The following AGAP1 variants were observed in gnomAD, a reference collection of about 807,000 sequenced individuals.
AGAP1 encodes arf-GAP with GTPase, ANK repeat and PH domain-containing protein 1.
Under a neutral mutation model 105.3 loss-of-function variants are expected in AGAP1, and 29 were observed. The ratio of observed to expected loss-of-function variants is 0.28; its 90% CI spans 0.21 to 0.38. The LOEUF (loss-of-function observed/expected upper bound fraction) is 0.38. Ranked by LOEUF, AGAP1 falls within the 10% of genes least tolerant of loss-of-function variation. The probability of loss-of-function intolerance (pLI) is 1.00; values close to 1 mark genes in which losing one functional copy is unlikely to be tolerated. For missense variants in AGAP1, 998 were observed against 1,165.1 expected, an observed-to-expected ratio of 0.86 and a Z score of 2.09; for synonymous variants, 509 against 485.9, an observed-to-expected ratio of 1.05 and a Z score of -0.63.
chr2:235,890,162 C>CTTTTTT lies in AGAP1; in HGVS notation c.1155+6726_1155+6731dup, dbSNP rs3059035. Among the ~76,000 whole-genome samples, 1,236 of 132,426 alleles carry CTTTTTT rather than the reference C, an allele frequency of 9.3e-3. 24 individuals carry two copies. The highest frequency in any genetic ancestry group is 0.034 in the African/African-American group (1,191 of 35,154). 86.9% of individuals were successfully genotyped at this position (132,426 alleles called of 152,430 possible). ...GGTAGATTTCCACTGTAGTTATTCC[C>CTTTTTT]TTTTTTTTTTTTTTTTTTAAGACAG... On this transcript the variant is annotated intron_variant, in intron 10 of 17. Transcript: ENST00000304032.
At position 236,124,376 on chromosome 2, in the gene AGAP1, C is replaced by T. The variant is rs547336198; in HGVS notation, c.*254C>T. On this transcript the variant is annotated 3_prime_UTR_variant, in exon 18 of 18. Transcript: ENST00000304032. The surrounding 1 kb of genome is among the most constrained non-coding windows in gnomAD (Gnocchi z 5.1). ...CCCCTAAACCACACACAGGAGAGAG[C>T]GACGGGCCTCGGCCCTTTGATGATA... is the stretch of plus-strand genomic sequence containing the variant. 7.2e-5 allele frequency: 39 copies of T among 542,258 alleles called. No homozygotes were observed. Among genetic ancestry groups the T allele is most frequent in the South Asian group, 5.6e-4 (27 of 48,608 alleles). The allele number at this position is 542,258 out of a possible 1,614,324, so 33.6% of individuals were successfully genotyped here.
rs1198732537 is a variant in AGAP1, at chr2:236,050,460, A to C, written c.2114+1179A>C. 6.6e-6 allele frequency among the ~76,000 whole-genome samples: 1 copy of C among 152,252 alleles called. No homozygotes were observed. Among genetic ancestry groups the C allele is most frequent in the Non-Finnish European group, 1.5e-5 (1 of 68,054 alleles). Reference sequence around the variant, plus strand: ...CTTTATGAGTTATGCTCTATAGTGTAGACAGGGGTAAGTTTCTTACAAACC... The same window carrying C: ...CTTTATGAGTTATGCTCTATAGTGTCGACAGGGGTAAGTTTCTTACAAACC... On this transcript the variant is annotated intron_variant, in intron 16 of 17. Transcript: ENST00000304032. This position sits in a 1 kb window ranked among gnomAD's most constrained non-coding sequence, Gnocchi z 4.0.
At chr2:235,546,932 G>A (rs1460146119) in intron 1 of AGAP1, among the ~76,000 whole-genome samples, 1 of 152,278 alleles carries the variant, frequency 6.6e-6, no homozygotes, top group East Asian at 1.9e-4. Flanking sequence ...CTGAGCAGGC[G>A]GCTCACTGGC....
intron 3 of AGAP1, among the ~76,000 whole-genome samples, chr2:235,726,559 A>G (rs910606846): frequency 4.5e-4 from 69 of 152,198 alleles, no homozygotes; most frequent in Admixed American, 1.2e-3. Context: ...CCACCATCAC[A>G]CACTTTCACC....
intron 1 of AGAP1, among the ~76,000 whole-genome samples, chr2:235,542,654 G>A (rs1943484862): frequency 6.6e-6 from 1 of 152,166 alleles, no homozygotes; most frequent in South Asian, 2.1e-4. Flanking sequence ...AATATAGACT[G>A]TTCTGAGAAT....
Position 235,982,269 on chromosome 2 carries a change from T to G in AGAP1, c.1645+13646T>G, listed in dbSNP as rs1370822684. Among the ~76,000 whole-genome samples, 1 of 152,212 alleles carries G rather than the reference T, an allele frequency of 6.6e-6. No individual in the cohort carries two copies. Among genetic ancestry groups the G allele is most frequent in the South Asian group, 2.1e-4 (1 of 4,834 alleles). On this transcript the variant is annotated intron_variant, in intron 13 of 17. Coordinates refer to ENST00000304032, the MANE Select transcript of AGAP1 (RefSeq NM_001037131.3). The surrounding 1 kb of genome is among the most constrained non-coding windows in gnomAD (Gnocchi z 4.9). ...AGTCAGTAAACATGCAGAAACACTTTTAGCTGTGAATGCAGAGTAACTCTT... is the reference window on the plus strand; with the variant it reads ...AGTCAGTAAACATGCAGAAACACTTGTAGCTGTGAATGCAGAGTAACTCTT...
At chr2:235,510,381 T>C (rs1265452210) in intron 1 of AGAP1, among the ~76,000 whole-genome samples, 1 of 152,202 alleles carries the variant, frequency 6.6e-6, no homozygotes, top group African/African-American at 2.4e-5. Flanking sequence ...TATCCATAGC[T>C]TTTTCTTTTT....
rs562228730 is a variant in AGAP1, at chr2:235,535,376, G to A, written c.163+40527G>A. 1.6e-4 allele frequency among the ~76,000 whole-genome samples: 25 copies of A among 152,220 alleles called. No homozygotes were observed. The highest frequency in any genetic ancestry group is 1.5e-3 in the Admixed American group (23 of 15,290). On this transcript the variant is annotated intron_variant, in intron 1 of 17. Transcript: ENST00000304032. The surrounding 1 kb of genome is among the most constrained non-coding windows in gnomAD (Gnocchi z 5.1). ...AGTTTATTGAAGAGGGTGTGAGGTC[G>A]CGGCGCCTGACCCTCATTATGTCAG...
chr2:235,899,224 A>G (rs1352214615), intron 10 of AGAP1, among the ~76,000 whole-genome samples: 1 of 152,136 alleles, frequency 6.6e-6, no homozygotes, highest in Non-Finnish European at 1.5e-5. Context: ...TTAAAACTCT[A>G]CTGTTTGGCC....
At chr2:236,017,086 T>G (rs2056729806) in intron 13 of AGAP1, among the ~76,000 whole-genome samples, 1 of 151,772 alleles carries the variant, frequency 6.6e-6, no homozygotes, top group Non-Finnish European at 1.5e-5. Context: ...GTCAGGAGTT[T>G]GAGACCAGCC....
intron 16 of AGAP1, among the ~76,000 whole-genome samples, chr2:236,118,307 G>A (rs925641194): frequency 1.3e-5 from 2 of 151,714 alleles, no homozygotes; most frequent in African/African-American, 4.8e-5. Context: ...GAGGGCGATT[G>A]TGAATCAGTG....
intron 12 of AGAP1, among the ~76,000 whole-genome samples, chr2:235,944,077 T>C (rs1408764111): frequency 1.3e-5 from 2 of 152,254 alleles, no homozygotes; most frequent in African/African-American, 4.8e-5. Flanking sequence ...TTATAAATGC[T>C]ATTTTAATTG....
At chr2:235,935,797 G>C (rs1358833941) in intron 12 of AGAP1, among the ~76,000 whole-genome samples, 1 of 152,166 alleles carries the variant, frequency 6.6e-6, no homozygotes, top group Non-Finnish European at 1.5e-5. Flanking sequence ...TCCTCTAGAA[G>C]CGTTAGCCAC....
intron 1 of AGAP1, among the ~76,000 whole-genome samples, chr2:235,580,700 T>C (rs1944901920): frequency 6.6e-6 from 1 of 152,174 alleles, no homozygotes. Context: ...TCTTTTTGAC[T>C]TCTTTGGCCT....
intron 10 of AGAP1, among the ~76,000 whole-genome samples, chr2:235,886,650 A>G (rs2050290554): frequency 6.6e-6 from 1 of 152,202 alleles, no homozygotes; most frequent in Non-Finnish European, 1.5e-5. Flanking sequence ...GCAAGAGCCA[A>G]TGTCATTTTC....
chr2:235,809,921 G>A (rs1463637195), intron 9 of AGAP1, among the ~76,000 whole-genome samples: 6 of 152,058 alleles, frequency 3.9e-5, no homozygotes, highest in Admixed American at 2.6e-4. Context: ...CTTAATCCTC[G>A]ACATTGCCAC....
At chr2:235,942,936 T>G (rs1337333945) in intron 12 of AGAP1, among the ~76,000 whole-genome samples, 2 of 151,998 alleles carry the variant, frequency 1.3e-5, no homozygotes, top group Non-Finnish European at 2.9e-5. Context: ...AAAAAAAAAT[T>G]CATTTAATTA....
rs1391007631 is a variant in AGAP1, at chr2:235,828,283, G to C, written c.1050+20952G>C. On this transcript the variant is annotated intron_variant, in intron 9 of 17. Coordinates refer to ENST00000304032, the MANE Select transcript of AGAP1 (RefSeq NM_001037131.3). ...CACTGGAACATAAGCACCCCATGTT[G>C]GGAATTTCTTTTTTTGGTCACCAGT... Among the ~76,000 whole-genome samples the C allele has an allele frequency of 2.0e-5, 3 of 152,178 alleles. No individual in the cohort carries two copies. The East Asian group carries it at 5.8e-4, about 29-fold the overall frequency.
intron 9 of AGAP1, among the ~76,000 whole-genome samples, chr2:235,826,030 A>G (rs895282151): frequency 1.4e-4 from 22 of 152,222 alleles, no homozygotes; most frequent in African/African-American, 5.1e-4. Context: ...AAAAATAGAA[A>G]CCCTCTCAAT....
Sources: allele counts gnomAD v4.1 joint callset (sites outside exome capture counted in the v4.1 genomes callset), GRCh38; gene constraint gnomAD v4.1.1; non-coding constraint Gnocchi (gnomAD v3.1); transcripts MANE v1.5; gene names NCBI Gene and HGNC (gene_info 2026-07-23, HGNC 2026-07-21).